Variants in PSIP1 observed in about 807,000 individuals in gnomAD.
PSIP1 encodes the protein PC4 and SRSF1 interacting protein 1.
In PSIP1, 19 loss-of-function variants were observed where a neutral mutation model predicts 74.7. That is an observed-to-expected ratio of 0.25 (90% CI 0.18 to 0.37). The LOEUF (loss-of-function observed/expected upper bound fraction) is 0.37, where lower values mean the gene tolerates loss of function less well. PSIP1 is among the 10% of genes least tolerant of loss of function. The pLI is 1.00. For missense variants in PSIP1, 601 were observed against 614.3 expected (o/e 0.98, Z 0.23); for synonymous variants, 222 against 195.3 (o/e 1.14, Z -1.14).
chr9:15,476,144 A>G (rs1302980883), intron 8 of PSIP1, among the ~76,000 whole-genome samples: 1 of 152,186 alleles, frequency 6.6e-6, no homozygotes, highest in Non-Finnish European at 1.5e-5. Flanking sequence ...TACACAGCCA[A>G]GAGTAGTTAC....
chr9:15,471,075 A>G, intron 10 of PSIP1: 1 of 1,507,870 alleles, frequency 6.6e-7, no homozygotes, highest in Non-Finnish European at 8.8e-7. Context: ...ACATTCTTCC[A>G]TCAATGGGGG....
chr9:15,507,234 T>C (rs191701250), intron 2 of PSIP1, among the ~76,000 whole-genome samples: 50 of 152,338 alleles, frequency 3.3e-4, no homozygotes, highest in Non-Finnish European at 6.2e-4. Flanking sequence ...CCTTTTAAAT[T>C]ATGTAAGGAA....
chr9:15,465,596 A>G lies in PSIP1; in HGVS notation c.1533-16T>C, dbSNP rs762549760. The G allele has an allele frequency of 1.3e-6, 2 of 1,555,948 alleles. No individual in the cohort carries two copies. Among genetic ancestry groups the G allele is most frequent in the South Asian group, 1.1e-5 (1 of 87,360 alleles). Reference sequence around the variant, plus strand: ...ACTGGATGGCCTGAAGAAAAGGGGGAAAGGTACAACTGGAATTAGGATTTT... The same window carrying G: ...ACTGGATGGCCTGAAGAAAAGGGGGGAAGGTACAACTGGAATTAGGATTTT... On this transcript the variant is annotated splice_polypyrimidine_tract_variant and intron_variant, in intron 15 of 15. Coordinates refer to ENST00000380733, the MANE Select transcript of PSIP1 (RefSeq NM_033222.5).
intron 3 of PSIP1, among the ~76,000 whole-genome samples, chr9:15,503,813 C>A (rs1388737164): frequency 6.6e-6 from 1 of 152,174 alleles, no homozygotes; most frequent in Non-Finnish European, 1.5e-5. Context: ...ATGGCACAAT[C>A]TCGGCTCACC....
chr9:15,509,926 G>A lies in PSIP1; in HGVS notation c.72+191C>T, dbSNP rs554099640. ...AAACCATAGGGAAATACACAGGTAT[G>A]TAGAAACGTCTGGATTTTCATAATT... On this transcript the variant is annotated intron_variant, in intron 2 of 15. Transcript: ENST00000380733. Among the ~76,000 whole-genome samples the A allele has an allele frequency of 2.0e-5, 3 of 152,352 alleles. No individual in the cohort carries two copies. The South Asian group carries it at 6.2e-4, about 32-fold the overall frequency.
rs2035478503 is a variant in PSIP1 at position 15,464,529 on chromosome 9, T to C, written c.*991A>G. 1 of 200,454 alleles carries C rather than the reference T, an allele frequency of 5.0e-6. No individual in the cohort carries two copies. The highest frequency in any genetic ancestry group is 1.0e-5 in the Non-Finnish European group (1 of 97,480). 12.4% of individuals were successfully genotyped at this position (200,454 alleles called of 1,614,324 possible). A position where few individuals can be genotyped will look rare whatever the true frequency, so the allele number is the denominator to read the frequency against. On this transcript the variant is annotated 3_prime_UTR_variant, in exon 16 of 16. Transcript: ENST00000380733. ...AAGTACAATGCTGGAACAACTAGTG[T>C]TTGTATTTTTGGAATCTAGAAAATA...
intron 15 of PSIP1, among the ~76,000 whole-genome samples, chr9:15,466,249 G>C (rs1455193339): frequency 6.6e-6 from 1 of 152,108 alleles, no homozygotes; most frequent in African/African-American, 2.4e-5. Flanking sequence ...CGTGGTGGCA[G>C]GTGCCTGTAA....
At chr9:15,490,475 G>C (rs889853439) in intron 3 of PSIP1, among the ~76,000 whole-genome samples, 1 of 151,986 alleles carries the variant, frequency 6.6e-6, no homozygotes, top group African/African-American at 2.4e-5. Flanking sequence ...TTGAGGTCAG[G>C]AGTTTGAGAC....
intron 3 of PSIP1, among the ~76,000 whole-genome samples, chr9:15,500,349 C>T (rs2037281388): frequency 6.6e-6 from 1 of 152,106 alleles, no homozygotes; most frequent in Admixed American, 6.5e-5. Context: ...CCTGTAGTCC[C>T]AGCTACTTGG....
In PSIP1 at chr9:15,478,484, T is replaced by G. The variant is rs1242078354; in HGVS notation, c.622A>C (p.Ser208Arg). 17 of 1,585,886 alleles carry G rather than the reference T, an allele frequency of 1.1e-5. No individual in the cohort carries two copies. The highest frequency in any genetic ancestry group is 1.5e-5 in the Non-Finnish European group (17 of 1,155,362). ...CATTAAAAATAAACTCACATGTCACTCTCTGAAGGACAGGGCTGTTTTACC... is the reference window on the plus strand; with the variant it reads ...CATTAAAAATAAACTCACATGTCACGCTCTGAAGGACAGGGCTGTTTTACC... The part of the protein sequence containing the change: ...KMVKQPCPSE[S>R]DIITEEDKSK... The change falls in exon 8 of 16, where the codon AGT (serine) becomes CGT (arginine). Residue 208 changes from serine to arginine, a missense_variant. By Grantham distance (110) the Ser-to-Arg change is moderately radical. This residue lies in a region of PSIP1 where 538 missense variants were observed against 507.6 expected (regional missense o/e 1.06). Transcript: ENST00000380733.
chr9:15,505,644 G>C, intron 3 of PSIP1: 1 of 152,172 alleles, frequency 6.6e-6, no homozygotes, highest in African/African-American at 2.4e-5. Context: ...AAAAGGTTAT[G>C]ATAGTCAATA....
In PSIP1 at chr9:15,465,110, C is replaced by T. The variant is rs144536781; in HGVS notation, c.*410G>A. ...AACCCACAAACAGTGAAAAGACAGT[C>T]TGGTAAATCCAAGGTTTGTAAAAAC... On this transcript the variant is annotated 3_prime_UTR_variant, in exon 16 of 16. Transcript: ENST00000380733. The T allele has an allele frequency of 1.7e-5, 4 of 231,212 alleles. No individual in the cohort carries two copies. The highest frequency in any genetic ancestry group is 8.9e-5 in the African/African-American group (4 of 45,098). 14.3% of individuals were successfully genotyped at this position (231,212 alleles called of 1,614,324 possible). A position where few individuals can be genotyped will look rare whatever the true frequency, so the allele number is the denominator to read the frequency against.
At position 15,498,153 on chromosome 9, in the gene PSIP1, T is replaced by C. The variant is rs535430771; in HGVS notation, c.150-8029A>G. ...AGCCGGGAATGGTGGCTCACATTTG[T>C]AACCCCAGCCCCAGCACTTTGGGAG... On this transcript the variant is annotated intron_variant, in intron 3 of 15. Coordinates refer to ENST00000380733, the MANE Select transcript of PSIP1 (RefSeq NM_033222.5). 7.9e-5 allele frequency among the ~76,000 whole-genome samples: 12 copies of C among 152,292 alleles called. No homozygotes were observed. In the East Asian group the frequency reaches 1.9e-3, roughly 24 times the overall value.
chr9:15,496,224 ATGT>A (rs901526862), intron 3 of PSIP1, among the ~76,000 whole-genome samples: 3 of 152,204 alleles, frequency 2.0e-5, no homozygotes, highest in African/African-American at 4.8e-5. Context: ...AATTTTAACC[ATGT>A]TGTTAGTGGA....
intron 4 of PSIP1, among the ~76,000 whole-genome samples, chr9:15,487,225 T>C (rs751976220): frequency 5.3e-5 from 8 of 151,656 alleles, no homozygotes; most frequent in South Asian, 4.2e-4. Flanking sequence ...CAAGATTATA[T>C]GGTGACAAGG....
intron 3 of PSIP1, among the ~76,000 whole-genome samples, chr9:15,497,165 G>C (rs2037113289): frequency 6.6e-6 from 1 of 152,188 alleles, no homozygotes; most frequent in African/African-American, 2.4e-5. Context: ...TGTCTATCAA[G>C]TGATGAATAA....
chr9:15,485,239 A>C (rs1043705095), intron 6 of PSIP1, among the ~76,000 whole-genome samples: 1 of 152,144 alleles, frequency 6.6e-6, no homozygotes, highest in Non-Finnish European at 1.5e-5. Context: ...ATGAAATACA[A>C]TACTCAAGAT....
chr9:15,467,280 G>A (rs1237836750), intron 14 of PSIP1, among the ~76,000 whole-genome samples: 2 of 152,174 alleles, frequency 1.3e-5, no homozygotes, highest in Non-Finnish European at 1.5e-5. Flanking sequence ...AGTGCTAAAG[G>A]AGTATTTCCT....
chr9:15,468,865 A>G (rs753111343), intron 13 of PSIP1, 22 bp from the exon 14 acceptor site: 1 of 1,607,014 alleles, frequency 6.2e-7, no homozygotes, highest in Non-Finnish European at 8.5e-7. Flanking sequence ...ATATACATTC[A>G]TCATAATTGT....
Sources: allele counts gnomAD v4.1 joint callset (sites outside exome capture counted in the v4.1 genomes callset), GRCh38; gene constraint gnomAD v4.1.1; regional missense constraint gnomAD v4.1.1; transcripts MANE v1.5; gene names NCBI Gene and HGNC (gene_info 2026-07-23, HGNC 2026-07-21).